The following STX11 variants were observed in gnomAD, a reference collection of about 807,000 sequenced individuals.
The protein encoded by STX11 is syntaxin 11, also known as syntaxin-11.
STX11 carries 21 observed loss-of-function variants against 19.9 expected under a neutral mutation model. That is an observed-to-expected ratio of 1.06 (90% CI 0.75 to 1.52). The LOEUF is 1.52. STX11 is among the 40% of genes most tolerant of loss of function. The pLI is 0.00. For missense variants in STX11, 438 were observed against 405.9 expected (o/e 1.08, Z -0.68); for synonymous variants, 193 against 174.4 (o/e 1.11, Z -0.84).
In STX11 at chr6:144,172,559, C is replaced by T. The variant is rs560754496; in HGVS notation, c.-5-14064C>T. Among the ~76,000 whole-genome samples, 14 of 152,302 alleles carry T rather than the reference C, an allele frequency of 9.2e-5. No homozygotes were observed. In the South Asian group the frequency reaches 2.1e-3, roughly 23 times the overall value. ...AGACCGACACCACTTCTTGATGGGA[C>T]GTGCTGCTAAGAATTTGTTGCCATT... On this transcript the variant is annotated intron_variant, in intron 1 of 1. Coordinates refer to ENST00000367568, the MANE Select transcript of STX11 (RefSeq NM_003764.4). This position sits in a 1 kb window ranked among gnomAD's most constrained non-coding sequence, Gnocchi z 4.2.
intron 1 of STX11, among the ~76,000 whole-genome samples, chr6:144,161,370 TTTC>T (rs935457021): frequency 1.3e-5 from 2 of 150,328 alleles, no homozygotes; most frequent in African/African-American, 5.0e-5. Context: ...AATTGGAAAT[TTTC>T]TTTTTTTCTC....
At chr6:144,141,977 C>T in the STX11 span, among the ~76,000 whole-genome samples, 4 of 151,980 alleles carry the variant, frequency 2.6e-5, no homozygotes, top group Non-Finnish European at 4.4e-5. Context: ...CCACTGCGCC[C>T]GGCCTCTTCT....
intron 1 of STX11, among the ~76,000 whole-genome samples, chr6:144,171,371 A>G (rs995066104): frequency 6.6e-6 from 1 of 152,152 alleles, no homozygotes; most frequent in South Asian, 2.1e-4. Context: ...GCATCAGGAA[A>G]CTTCTCTGGT....
At position 144,188,326 on chromosome 6, in the gene STX11, ACTT is replaced by A. The variant is rs1802119091; in HGVS notation, c.*839_*841del. On this transcript the variant is annotated 3_prime_UTR_variant, in exon 2 of 2. Coordinates refer to ENST00000367568, the MANE Select transcript of STX11 (RefSeq NM_003764.4). ...ATGTACATAATGATCAATTGGTTTA[ACTT>A]CTTTTATGTAAGTATGGTATATAAA... 4.4e-6 allele frequency: 1 copy of A among 229,692 alleles called. No homozygotes were observed. Among genetic ancestry groups the A allele is most frequent in the Non-Finnish European group, 9.3e-6 (1 of 106,968 alleles). 14.2% of individuals were successfully genotyped at this position (229,692 alleles called of 1,614,324 possible). A position where few individuals can be genotyped will look rare whatever the true frequency, so the allele number is the denominator to read the frequency against.
At position 144,188,644 on chromosome 6, in the gene STX11, A is replaced by G. The variant is rs1802130314; in HGVS notation, c.*1153A>G. ...TTTTCAAGCAAGCTTAATAAACATT[A>G]CATTATACACATATTTTTATACATT... On this transcript the variant is annotated 3_prime_UTR_variant, in exon 2 of 2. Transcript: ENST00000367568. Among the ~76,000 whole-genome samples the G allele has an allele frequency of 6.6e-6, 1 of 152,120 alleles. No individual in the cohort carries two copies. Among genetic ancestry groups the G allele is most frequent in the Admixed American group, 6.6e-5 (1 of 15,262 alleles).
At position 144,156,011 on chromosome 6, in the gene STX11, T is replaced by TCTCC. The variant is rs1562655582; in HGVS notation, c.-6+5308_-6+5309insCTCC. Among the ~76,000 whole-genome samples the TCTCC allele has an allele frequency of 2.5e-4, 28 of 113,926 alleles. 1 individual carries two copies. Among genetic ancestry groups the TCTCC allele is most frequent in the Admixed American group, 9.1e-4 (10 of 10,976 alleles). 74.7% of individuals were successfully genotyped at this position (113,926 alleles called of 152,430 possible). A position where few individuals can be genotyped will look rare whatever the true frequency, so the allele number is the denominator to read the frequency against. On this transcript the variant is annotated intron_variant, in intron 1 of 1. Transcript: ENST00000367568. ...CTTTCTTTCTTTCTTTCTTTCTTTC[T>TCTCC]TTCTCTCTTTCTCTCCTTCCTTCCT...
the STX11 span, chr6:144,140,669 T>C: frequency 1.2e-6 from 1 of 868,952 alleles, no homozygotes; most frequent in Non-Finnish European, 1.4e-6. Context: ...TCACAGAAAC[T>C]ATAAACCATC....
chr6:144,164,061 C>T (rs1801414844), intron 1 of STX11, among the ~76,000 whole-genome samples: 1 of 152,192 alleles, frequency 6.6e-6, no homozygotes, highest in African/African-American at 2.4e-5. Flanking sequence ...ACCAAGCTGA[C>T]CTCATCATAT....
At position 144,172,006 on chromosome 6, in the gene STX11, T is replaced by TA. The variant is rs1311638330; in HGVS notation, c.-5-14614dup. Reference sequence around the variant, plus strand: ...TGTTTGTGTTTTAAAATCATAACAATAAACTTTTGTTTTAAATGCACGAGA... The same window carrying TA: ...TGTTTGTGTTTTAAAATCATAACAATAAAACTTTTGTTTTAAATGCACGAGA... On this transcript the variant is annotated intron_variant, in intron 1 of 1. Coordinates refer to ENST00000367568, the MANE Select transcript of STX11 (RefSeq NM_003764.4). This position sits in a 1 kb window ranked among gnomAD's most constrained non-coding sequence, Gnocchi z 4.2. Among the ~76,000 whole-genome samples, 1 of 152,204 alleles carries TA rather than the reference T, an allele frequency of 6.6e-6. No individual in the cohort carries two copies. The highest frequency in any genetic ancestry group is 1.5e-5 in the Non-Finnish European group (1 of 68,026).
At position 144,155,840 on chromosome 6, in the gene STX11, A is replaced by G. The variant is rs1178765417; in HGVS notation, c.-6+5137A>G. Among the ~76,000 whole-genome samples the G allele has an allele frequency of 1.3e-5, 2 of 152,186 alleles. No homozygotes were observed. The highest frequency in any genetic ancestry group is 2.4e-5 in the African/African-American group (1 of 41,438). ...TGTGTATTTCATTCAACTTCTTTGT[A>G]AGGCTCAGTAATTGGGTAATTTTTA... On this transcript the variant is annotated intron_variant, in intron 1 of 1. Transcript: ENST00000367568. This position sits in a 1 kb window ranked among gnomAD's most constrained non-coding sequence, Gnocchi z 4.5.
the STX11 span, among the ~76,000 whole-genome samples, chr6:144,140,256 T>TACATA: frequency 1.4e-5 from 1 of 73,984 alleles, no homozygotes; most frequent in Non-Finnish European, 3.1e-5. Context: ...ATATATATAT[T>TACATA]TATTTATTTA....
At position 144,174,716 on chromosome 6, in the gene STX11, GA is replaced by G. The variant is rs1220673352; in HGVS notation, c.-5-11904del. Among the ~76,000 whole-genome samples, 2 of 152,172 alleles carry G rather than the reference GA, an allele frequency of 1.3e-5. No homozygotes were observed. The highest frequency in any genetic ancestry group is 2.9e-5 in the Non-Finnish European group (2 of 68,030). On this transcript the variant is annotated intron_variant, in intron 1 of 1. Transcript: ENST00000367568. This position sits in a 1 kb window ranked among gnomAD's most constrained non-coding sequence, Gnocchi z 5.3. ...CAAAGAGTATGTACAAATTCAAGGGGAAAGAATGGGGCCACCTAGGAGGTCA... is the reference window on the plus strand; with the variant it reads ...CAAAGAGTATGTACAAATTCAAGGGGAAGAATGGGGCCACCTAGGAGGTCA...
intron 1 of STX11, among the ~76,000 whole-genome samples, chr6:144,173,310 T>A (rs1374846658): frequency 6.6e-6 from 1 of 152,244 alleles, no homozygotes; most frequent in Non-Finnish European, 1.5e-5. Flanking sequence ...ATAATTGTTT[T>A]CATGTTAGAC....
At position 144,180,370 on chromosome 6, in the gene STX11, T is replaced by A. The variant is rs1801880224; in HGVS notation, c.-5-6253T>A. On this transcript the variant is annotated intron_variant, in intron 1 of 1. Coordinates refer to ENST00000367568, the MANE Select transcript of STX11 (RefSeq NM_003764.4). This position sits in a 1 kb window ranked among gnomAD's most constrained non-coding sequence, Gnocchi z 5.3. The stretch of plus-strand genomic sequence containing the variant: ...TTGGTTATTTATGTGTGATATGGTT[T>A]GGCTGTGTCCCCACCAAATCTCAAC... 6.6e-6 allele frequency among the ~76,000 whole-genome samples: 1 copy of A among 152,202 alleles called. No individual in the cohort carries two copies. Among genetic ancestry groups the A allele is most frequent in the South Asian group, 2.1e-4 (1 of 4,826 alleles).
chr6:144,141,172 T>A, the STX11 span, among the ~76,000 whole-genome samples: 1 of 152,336 alleles, frequency 6.6e-6, no homozygotes, highest in South Asian at 2.1e-4. Context: ...TTGGTTTCCA[T>A]AAAGAGCTAT....
chr6:144,154,123 A>G lies in STX11; in HGVS notation c.-6+3420A>G, dbSNP rs180894607. 6.6e-6 allele frequency among the ~76,000 whole-genome samples: 1 copy of G among 152,382 alleles called. No homozygotes were observed. The highest frequency in any genetic ancestry group is 6.5e-5 in the Admixed American group (1 of 15,306). On this transcript the variant is annotated intron_variant, in intron 1 of 1. Transcript: ENST00000367568. The surrounding 1 kb of genome is among the most constrained non-coding windows in gnomAD (Gnocchi z 4.7). Reference sequence around the variant, plus strand: ...AGAAAGTGCAGTGTTAGTAACTGACAGAGCCAGAAATGGATCCCAAGCACT... The same window carrying G: ...AGAAAGTGCAGTGTTAGTAACTGACGGAGCCAGAAATGGATCCCAAGCACT...
chr6:144,183,247 T>C lies in STX11; in HGVS notation c.-5-3376T>C, dbSNP rs1801949521. ...GTTTCAGAATGCTGCACATTCTCTT[T>C]CTCCATAACTACTTTTTATGCCTAA... On this transcript the variant is annotated intron_variant, in intron 1 of 1. Transcript: ENST00000367568. The surrounding 1 kb of genome is among the most constrained non-coding windows in gnomAD (Gnocchi z 4.6). Among the ~76,000 whole-genome samples the C allele has an allele frequency of 6.6e-6, 1 of 152,258 alleles. No homozygotes were observed. Among genetic ancestry groups the C allele is most frequent in the South Asian group, 2.1e-4 (1 of 4,836 alleles).
Position 144,159,577 on chromosome 6 carries a change from G to A in STX11, c.-6+8874G>A, listed in dbSNP as rs1255515777. ...GAAAAAGACAGTACAGGAAAATGACGCCTTCATTTAATGAGGTAAAATAGG... is the reference window on the plus strand; with the variant it reads ...GAAAAAGACAGTACAGGAAAATGACACCTTCATTTAATGAGGTAAAATAGG... On this transcript the variant is annotated intron_variant, in intron 1 of 1. Transcript: ENST00000367568. The surrounding 1 kb of genome is among the most constrained non-coding windows in gnomAD (Gnocchi z 4.3). Among the ~76,000 whole-genome samples, 1 of 152,052 alleles carries A rather than the reference G, an allele frequency of 6.6e-6. No individual in the cohort carries two copies. The highest frequency in any genetic ancestry group is 6.6e-5 in the Admixed American group (1 of 15,258).
chr6:144,171,812 T>C (rs1033083351), intron 1 of STX11, among the ~76,000 whole-genome samples: 1 of 152,142 alleles, frequency 6.6e-6, no homozygotes, highest in African/African-American at 2.4e-5. Flanking sequence ...TTAAGAAACA[T>C]GTGCTTTTAA....
Sources: allele counts gnomAD v4.1 joint callset (sites outside exome capture counted in the v4.1 genomes callset), GRCh38; gene constraint gnomAD v4.1.1; non-coding constraint Gnocchi (gnomAD v3.1); transcripts MANE v1.5; gene names NCBI Gene and HGNC (gene_info 2026-07-23, HGNC 2026-07-21).